BRWD3: variants seen among roughly 807,000 people sequenced by gnomAD.
BRWD3 encodes bromodomain and WD repeat-containing protein 3.
Under a neutral mutation model 149.7 loss-of-function variants are expected in BRWD3, and 10 were observed. The observed-to-expected ratio is 0.07, with a 90% CI of 0.04 to 0.11. The LOEUF (loss-of-function observed/expected upper bound fraction) is 0.11, where lower values mean the gene tolerates loss of function less well. BRWD3 is among the 10% of genes least tolerant of loss of function. The probability of loss-of-function intolerance (pLI) is 1.00; values close to 1 mark genes in which losing one functional copy is unlikely to be tolerated. For missense variants in BRWD3, 940 were observed against 1,373.2 expected (o/e 0.68, Z 4.99); for synonymous variants, 504 against 456.7 (o/e 1.10, Z -1.32).
At chrX:80,803,486 A>G (rs971626234) in intron 4 of BRWD3, among the ~76,000 whole-genome samples, 6 of 110,827 alleles carry the variant, frequency 5.4e-5, no homozygotes, top group Non-Finnish European at 7.6e-5. Flanking sequence ...CCATCTGTGG[A>G]AAAAAAAATG....
In BRWD3 at chrX:80,673,495, A is replaced by G. The variant is rs1029054412; in HGVS notation, c.*3114T>C. 42 of 111,157 alleles carry G rather than the reference A, an allele frequency of 3.8e-4. No homozygotes were observed. The highest frequency in any genetic ancestry group is 1.3e-3 in the African/African-American group (41 of 30,584). The allele number at this position is 111,157 out of a possible 1,213,427, so 9.2% of individuals were successfully genotyped here. A position where few individuals can be genotyped will look rare whatever the true frequency, so the allele number is the denominator to read the frequency against. The stretch of plus-strand genomic sequence containing the variant: ...TGAGATAAGGTGTGTCAAGTTGGGG[A>G]AAAAACTTTACACACATACAAGTGC... On this transcript the variant is annotated 3_prime_UTR_variant, in exon 41 of 41. Coordinates refer to ENST00000373275, the MANE Select transcript of BRWD3 (RefSeq NM_153252.5).
At chrX:80,803,605 T>C (rs1376928663) in intron 4 of BRWD3, among the ~76,000 whole-genome samples, 1 of 111,968 alleles carries the variant, frequency 8.9e-6, no homozygotes, top group Admixed American at 9.5e-5. Flanking sequence ...TTTCCAGATA[T>C]TGACCTCTCT....
At chrX:80,738,477 G>A (rs761994360) in intron 8 of BRWD3, among the ~76,000 whole-genome samples, 42 of 111,535 alleles carry the variant, frequency 3.8e-4, no homozygotes, top group African/African-American at 1.2e-3. Flanking sequence ...AATACAAAAC[G>A]TGGGAGAATA....
Position 80,744,208 on chromosome X carries a change from G to A in BRWD3, c.637C>T (p.Arg213Cys), listed in dbSNP as rs777162950. 12 of 1,209,488 alleles carry A rather than the reference G, an allele frequency of 9.9e-6. No homozygotes were observed. The highest frequency in any genetic ancestry group is 2.2e-5 in the Admixed American group (1 of 45,675). ...TGTCCACGAAGTGTAGCAAGAAGGCGTCCATCATCTGTAGCCCAAATTTTT... is the reference window on the plus strand; with the variant it reads ...TGTCCACGAAGTGTAGCAAGAAGGCATCCATCATCTGTAGCCCAAATTTTT... Reference protein sequence around the residue: ...LVKIWATDDGRLLATLRGHSA... With the variant: ...LVKIWATDDGCLLATLRGHSA... The change falls in exon 8 of 41, where the codon CGC becomes TGC. Residue 213 changes from arginine (R) to cysteine (C), a missense_variant. By Grantham distance (180) the Arg-to-Cys change is radical (BLOSUM62 -3). This residue lies in a region of BRWD3 where 209 missense variants were observed against 396.8 expected (regional missense o/e 0.53). Coordinates refer to ENST00000373275, the MANE Select transcript of BRWD3 (RefSeq NM_153252.5).
rs768956020 is a variant in BRWD3, at chrX:80,726,217, A to G, written c.1387-1150T>C. Among the ~76,000 whole-genome samples, 320 of 95,258 alleles carry G rather than the reference A, an allele frequency of 3.4e-3. 1 individual carries two copies. The highest frequency in any genetic ancestry group is 7.4e-3 in the Middle Eastern group (1 of 135). The allele number at this position is 95,258 out of a possible 115,157, so 82.7% of individuals were successfully genotyped here. A position where few individuals can be genotyped will look rare whatever the true frequency, so the allele number is the denominator to read the frequency against. On this transcript the variant is annotated intron_variant, in intron 14 of 40. Transcript: ENST00000373275. ...ACGTTTACATGTTATATGTCTGTATAACATATAACACGTTTACATGTTATA... is the reference window on the plus strand; with the variant it reads ...ACGTTTACATGTTATATGTCTGTATGACATATAACACGTTTACATGTTATA...
chrX:80,676,579 T>G lies in BRWD3; in HGVS notation c.*30A>C, dbSNP rs1253657966. ...TTCCCTGCAGTAGAAGGCCATTGAA[T>G]TTTTTAAGTTATTCTAAATTTATTA... On this transcript the variant is annotated 3_prime_UTR_variant, in exon 41 of 41. Transcript: ENST00000373275. The G allele has an allele frequency of 1.7e-6, 2 of 1,205,878 alleles. No homozygotes were observed. Among genetic ancestry groups the G allele is most frequent in the East Asian group, 3.0e-5 (1 of 33,637 alleles).
intron 4 of BRWD3, among the ~76,000 whole-genome samples, chrX:80,796,135 T>G (rs993852333): frequency 1.9e-5 from 2 of 104,900 alleles, no homozygotes; most frequent in African/African-American, 7.0e-5. Flanking sequence ...ATGTTTTTGT[T>G]TTTTTTTTTT....
In BRWD3 at chrX:80,809,302, G is replaced by A. The variant is rs760045218; in HGVS notation, c.34C>T (p.Leu12=). The A allele has an allele frequency of 2.5e-6, 3 of 1,193,252 alleles. No individual in the cohort carries two copies. The highest frequency in any genetic ancestry group is 1.8e-5 in the South Asian group (1 of 54,814). Residue 12 remains leucine, a splice_region_variant and synonymous_variant, in exon 2 of 41, where the codon CTG becomes TTG. Transcript: ENST00000373275. ...AAGAACCTAGCGATCAGGTAATACAGCTCTGGGGAAGAGGGGGGAAAAGAG... is the reference window on the plus strand; with the variant it reads ...AAGAACCTAGCGATCAGGTAATACAACTCTGGGGAAGAGGGGGGAAAAGAG... ...AAAPTQIEAE[L]YYLIARFLQS...
At position 80,793,740 on chromosome X, in the gene BRWD3, G is replaced by A; in HGVS notation, c.213C>T (p.Tyr71=). The change falls in exon 5 of 41, where the codon TAC becomes TAT. Residue 71 remains tyrosine (Y), a synonymous_variant. Coordinates refer to ENST00000373275, the MANE Select transcript of BRWD3 (RefSeq NM_153252.5). ...CAATTCTCTCACAAATTTTAAGGAG[G>A]TAGTCTGGAGGAATGTGTGCATTTG... ...VAANAHIPPD[Y]LLKICERIGP... The A allele has an allele frequency of 1.3e-5, 16 of 1,208,526 alleles. No individual in the cohort carries two copies. Among genetic ancestry groups the A allele is most frequent in the Non-Finnish European group, 1.8e-5 (16 of 892,666 alleles).
chrX:80,741,054 TC>T (rs2073485050), intron 8 of BRWD3, among the ~76,000 whole-genome samples: 1 of 110,086 alleles, frequency 9.1e-6, no homozygotes, highest in African/African-American at 3.3e-5. Flanking sequence ...CTGCTATCCA[TC>T]CCCCCTCCCC....
At chrX:80,681,791 C>T (rs908108237) in intron 39 of BRWD3, among the ~76,000 whole-genome samples, 1 of 111,450 alleles carries the variant, frequency 9.0e-6, no homozygotes, top group Admixed American at 9.6e-5. Flanking sequence ...AGAGACTTTT[C>T]ATGTAGTCTA....
At chrX:80,778,707 TA>T (rs1368164645) in intron 6 of BRWD3, among the ~76,000 whole-genome samples, 1 of 112,694 alleles carries the variant, frequency 8.9e-6, no homozygotes, top group Non-Finnish European at 1.9e-5. Flanking sequence ...GTTTTATTTT[TA>T]AAAAATTTGG....
At chrX:80,794,497 C>T (rs184610944) in intron 4 of BRWD3, among the ~76,000 whole-genome samples, 169 of 108,286 alleles carry the variant, frequency 1.6e-3, no homozygotes, top group African/African-American at 5.2e-3. Context: ...TGAGAGAGAC[C>T]TCGACTCAAA....
At chrX:80,731,677 A>C (rs868102145) in intron 12 of BRWD3, among the ~76,000 whole-genome samples, 15 of 110,046 alleles carry the variant, frequency 1.4e-4, no homozygotes, top group Admixed American at 6.8e-4. Context: ...GGCAGATCAC[A>C]AGGTCAGGAG....
In BRWD3 at chrX:80,753,716, G is replaced by A. The variant is rs1349051413; in HGVS notation, c.431-7987C>T. ...ATTTTTTATATGGTTAGAGATACGG[G>A]TCCAGTTTTATTCTGCTGCATATGA... On this transcript the variant is annotated intron_variant, in intron 6 of 40. Coordinates refer to ENST00000373275, the MANE Select transcript of BRWD3 (RefSeq NM_153252.5). Among the ~76,000 whole-genome samples, 7 of 111,767 alleles carry A rather than the reference G, an allele frequency of 6.3e-5. No homozygotes were observed. In the East Asian group the frequency reaches 1.7e-3, roughly 27 times the overall value.
At chrX:80,743,266 A>C (rs1353162237) in intron 8 of BRWD3, among the ~76,000 whole-genome samples, 1 of 111,802 alleles carries the variant, frequency 8.9e-6, no homozygotes, top group Non-Finnish European at 1.9e-5. Flanking sequence ...ATGGTGGATA[A>C]GCTTTTTGAT....
intron 20 of BRWD3, among the ~76,000 whole-genome samples, chrX:80,712,092 AC>A (rs1302934079): frequency 1.8e-5 from 2 of 111,124 alleles, no homozygotes; most frequent in Non-Finnish European, 3.8e-5. Context: ...CCAATCTCCA[AC>A]CCCCCACCTC....
chrX:80,689,900 A>C (rs1430267598), intron 32 of BRWD3, 54 bp from the exon 33 acceptor site: 3 of 1,165,962 alleles, frequency 2.6e-6, no homozygotes, highest in Non-Finnish European at 3.5e-6. Context: ...TTTTCAATTA[A>C]TTTTTTTAAA....
At chrX:80,761,665 T>C (rs2073804143) in intron 6 of BRWD3, among the ~76,000 whole-genome samples, 1 of 112,118 alleles carries the variant, frequency 8.9e-6, no homozygotes, top group South Asian at 3.6e-4. Context: ...TATACTAAAC[T>C]TAAGGTTTAA....
Sources: allele counts gnomAD v4.1 joint callset (sites outside exome capture counted in the v4.1 genomes callset), GRCh38; gene constraint gnomAD v4.1.1; regional missense constraint gnomAD v4.1.1; transcripts MANE v1.5; gene names NCBI Gene and HGNC (gene_info 2026-07-23, HGNC 2026-07-21).